The following MXRA7 variants were observed in gnomAD, a reference collection of about 807,000 sequenced individuals.
The protein encoded by MXRA7 is matrix-remodeling-associated protein 7.
A neutral mutation model predicts 17.4 loss-of-function variants in MXRA7; 18 were observed. The observed-to-expected ratio is 1.03, with a 90% CI of 0.71 to 1.53. The LOEUF is 1.53. MXRA7 is among the 40% of genes most tolerant of loss of function. The probability of loss-of-function intolerance (pLI) is 0.00; values close to 1 mark genes in which losing one functional copy is unlikely to be tolerated. For synonymous variants in MXRA7, 70 were observed against 101.7 expected (o/e 0.69, Z 1.87); for missense variants, 141 against 209.3 (o/e 0.67, Z 2.01).
chr17:76,693,485 A>AAAG (rs1378536854), intron 1 of MXRA7, among the ~76,000 whole-genome samples: 3 of 151,306 alleles, frequency 2.0e-5, no homozygotes, highest in Admixed American at 1.3e-4. Flanking sequence ...CAAAAAAAAA[A>AAAG]AAAAAAAAGA....
chr17:76,707,897 C>G (rs1480983044), intron 1 of MXRA7, among the ~76,000 whole-genome samples: 1 of 152,214 alleles, frequency 6.6e-6, no homozygotes, highest in East Asian at 1.9e-4. Flanking sequence ...TTTGCGTGAA[C>G]AGGCCTTGCC....
At chr17:76,676,350 AATT>A (rs2076241193), downstream of MXRA7, 2 of 152,320 alleles carry the variant, frequency 1.3e-5, no homozygotes, top group South Asian at 4.1e-4. Context: ...AGTCTTGCCT[AATT>A]ATATTTAAAG....
intron 3 of MXRA7, among the ~76,000 whole-genome samples, 189 bp downstream of exon 3, chr17:76,684,883 C>T (rs552438066): frequency 5.3e-5 from 8 of 152,190 alleles, no homozygotes; most frequent in East Asian, 3.9e-4. Flanking sequence ...CAGGGGTGTG[C>T]GAGCCTGGCT....
At chr17:76,685,954 C>T (rs1324669996) in intron 2 of MXRA7, among the ~76,000 whole-genome samples, 8 of 152,188 alleles carry the variant, frequency 5.3e-5, no homozygotes, top group Non-Finnish European at 1.2e-4. Flanking sequence ...GGCCTCTTAT[C>T]GACCTCCACT....
chr17:76,693,238 G>A (rs890588262), intron 1 of MXRA7, among the ~76,000 whole-genome samples: 1 of 152,064 alleles, frequency 6.6e-6, no homozygotes, highest in Admixed American at 6.5e-5. Flanking sequence ...GGGAGGCCGA[G>A]GCGGATGGAT....
In MXRA7 at chr17:76,680,438, A is replaced by G. The variant is rs2076286815; in HGVS notation, c.*429T>C. The G allele has an allele frequency of 8.1e-6, 8 of 988,864 alleles. No homozygotes were observed. Among genetic ancestry groups the G allele is most frequent in the South Asian group, 4.6e-5 (1 of 21,558 alleles). 61.3% of individuals were successfully genotyped at this position (988,864 alleles called of 1,614,324 possible). ...GTGAGCTCTACCTCATTTGTCTCTC[A>G]TTCCTCAAAGTCTTCTGTGGTTTGG... On this transcript the variant is annotated 3_prime_UTR_variant, in exon 4 of 4. Coordinates refer to ENST00000449428, the MANE Select transcript of MXRA7 (RefSeq NM_198530.4).
chr17:76,682,070 C>A (rs914760088), intron 3 of MXRA7, among the ~76,000 whole-genome samples: 2 of 152,180 alleles, frequency 1.3e-5, no homozygotes, highest in African/African-American at 4.8e-5. Context: ...TGGCCCCAGG[C>A]GGAAGGAATT....
chr17:76,686,677 G>T (rs545822610), intron 2 of MXRA7, among the ~76,000 whole-genome samples: 1 of 152,352 alleles, frequency 6.6e-6, no homozygotes, highest in South Asian at 2.1e-4. Context: ...CAACGTGACA[G>T]CCTCCGAGGG....
At position 76,706,411 on chromosome 17, in the gene MXRA7, C is replaced by T. The variant is rs185702957; in HGVS notation, c.342+4194G>A. Among the ~76,000 whole-genome samples, 5 of 137,330 alleles carry T rather than the reference C, an allele frequency of 3.6e-5. No homozygotes were observed. The East Asian group carries it at 1.3e-3, about 35-fold the overall frequency. The allele number at this position is 137,330 out of a possible 152,430, so 90.1% of individuals were successfully genotyped here. A position where few individuals can be genotyped will look rare whatever the true frequency, so the allele number is the denominator to read the frequency against. On this transcript the variant is annotated intron_variant, in intron 1 of 3. Coordinates refer to ENST00000449428, the MANE Select transcript of MXRA7 (RefSeq NM_198530.4). ...GAGGCCCACGCTGCCGTCACAGAGG[C>T]CCACACTGCCATCACAAAGGACCAC...
chr17:76,690,764 G>A (rs1213680786), intron 1 of MXRA7, among the ~76,000 whole-genome samples: 1 of 152,134 alleles, frequency 6.6e-6, no homozygotes, highest in Non-Finnish European at 1.5e-5. Context: ...CTGGAGTGCA[G>A]TGGTGCAATC....
chr17:76,682,849 T>C (rs1269151481), intron 3 of MXRA7, among the ~76,000 whole-genome samples: 1 of 151,638 alleles, frequency 6.6e-6, no homozygotes, highest in African/African-American at 2.4e-5. Flanking sequence ...AGTCGAGGAG[T>C]CTTCCCTCGT....
intron 3 of MXRA7, chr17:76,683,701 G>T (rs755800080): frequency 3.2e-6 from 2 of 634,342 alleles, no homozygotes; most frequent in Non-Finnish European, 5.6e-6. Flanking sequence ...TGCTTGAGAA[G>T]AATGAGAAGG....
intron 1 of MXRA7, among the ~76,000 whole-genome samples, chr17:76,698,250 CCCCAA>C (rs2076554024): frequency 6.6e-6 from 1 of 152,208 alleles, no homozygotes; most frequent in Non-Finnish European, 1.5e-5. Context: ...TGCCCAGGCC[CCCCAA>C]CCCCAGAATG....
chr17:76,703,017 T>G (rs1201590310), intron 1 of MXRA7, among the ~76,000 whole-genome samples: 1 of 150,698 alleles, frequency 6.6e-6, no homozygotes, highest in Non-Finnish European at 1.5e-5. Flanking sequence ...TCTCTTGAAG[T>G]GGGAGGATGG....
Position 76,710,899 on chromosome 17 carries a change from G to A in MXRA7, c.48C>T (p.Thr16=), listed in dbSNP as rs1370426880. The change falls in exon 1 of 4, where the codon ACC becomes ACT. Residue 16 remains threonine, a synonymous_variant. Transcript: ENST00000449428. ...GCCAGGCGAGCAGAAGGGCCAGCGC[G>A]GTGGCCAGCGCAGGCAGCGCGGCCA... ...ELLAALPALA[T]ALALLLAWLL... 1.2e-4 allele frequency: 120 copies of A among 999,802 alleles called. No homozygotes were observed. The highest frequency in any genetic ancestry group is 1.4e-4 in the Non-Finnish European group (118 of 842,014). The allele number at this position is 999,802 out of a possible 1,614,324, so 61.9% of individuals were successfully genotyped here.
At chr17:76,692,863 C>T (rs938841957) in intron 1 of MXRA7, among the ~76,000 whole-genome samples, 8 of 152,010 alleles carry the variant, frequency 5.3e-5, no homozygotes, top group African/African-American at 1.7e-4. Context: ...TGGTCAGTGA[C>T]GGGAAAAGAT....
intron 1 of MXRA7, among the ~76,000 whole-genome samples, chr17:76,702,032 C>T (rs1180025341): frequency 6.6e-6 from 1 of 152,180 alleles, no homozygotes; most frequent in Admixed American, 6.5e-5. Flanking sequence ...TCCGCAACCC[C>T]TATCAGGGAA....
chr17:76,703,205 G>C (rs1226936744), intron 1 of MXRA7, among the ~76,000 whole-genome samples: 1 of 152,118 alleles, frequency 6.6e-6, no homozygotes, highest in South Asian at 2.1e-4. Flanking sequence ...CACACAAGAA[G>C]GCCCTTGCTG....
At chr17:76,686,617 G>A (rs1369097527) in intron 2 of MXRA7, among the ~76,000 whole-genome samples, 2 of 152,210 alleles carry the variant, frequency 1.3e-5, no homozygotes, top group Non-Finnish European at 2.9e-5. Context: ...ATTTCGCTCA[G>A]TCACATGCAG....
Sources: gnomAD v4.1 joint callset for allele counts (sites outside exome capture counted in the v4.1 genomes callset) on GRCh38, gnomAD v4.1.1 for gene constraint, MANE v1.5 for transcripts, NCBI Gene and HGNC (gene_info 2026-07-23, HGNC 2026-07-21) for gene names.